The following FGD4 variants were observed in gnomAD, a reference collection of about 807,000 sequenced individuals.
FGD4 encodes the protein FYVE, RhoGEF and PH domain-containing protein 4.
A neutral mutation model predicts 102.0 loss-of-function variants in FGD4; 42 were observed. The ratio of observed to expected loss-of-function variants is 0.41; its 90% confidence interval spans 0.32 to 0.53. FGD4 has a LOEUF of 0.53. FGD4 is among the 20% of genes least tolerant of loss of function. The pLI is 0.21. For synonymous variants in FGD4, 380 were observed against 375.7 expected, an observed-to-expected ratio of 1.01 and a Z score of -0.13; for missense variants, 902 against 1,078.2, an observed-to-expected ratio of 0.84 and a Z score of 2.29.
intron 14 of FGD4, among the ~76,000 whole-genome samples, chr12:32,627,931 C>T (rs1950274132): frequency 6.6e-6 from 1 of 152,004 alleles, no homozygotes; most frequent in South Asian, 2.1e-4. Flanking sequence ...TGTATGGTAG[C>T]GGACATCTTG....
In FGD4 at chr12:32,564,291, T is replaced by C; in HGVS notation, c.319+2T>C. The C allele has an allele frequency of 6.5e-7, 1 of 1,535,648 alleles. No homozygotes were observed. The highest frequency in any genetic ancestry group is 8.7e-7 in the Non-Finnish European group (1 of 1,146,698). The stretch of plus-strand genomic sequence containing the variant: ...CAGCTGCAAGTCCAAAGCCACAAGG[T>C]ATGCTCACTGGGAGTTTGTGTTCGG... On this transcript the variant is annotated splice_donor_variant, in intron 2 of 16. Coordinates refer to ENST00000534526, the MANE Select transcript of FGD4 (RefSeq NM_001370298.3). LOFTEE classifies it high-confidence loss of function.
At chr12:32,532,200 A>G (rs1469058796) in intron 1 of FGD4, among the ~76,000 whole-genome samples, 1 of 152,224 alleles carries the variant, frequency 6.6e-6, no homozygotes, top group Non-Finnish European at 1.5e-5. Flanking sequence ...AATAAAATAG[A>G]ACAATTATAA....
At chr12:32,411,641 C>T (rs1185573342) in intron 1 of FGD4, among the ~76,000 whole-genome samples, 1 of 152,026 alleles carries the variant, frequency 6.6e-6, no homozygotes, top group Admixed American at 6.6e-5. Flanking sequence ...GGGGTCATTG[C>T]TTACCATTTC....
chr12:32,593,417 CT>C (rs1947639155), intron 4 of FGD4, among the ~76,000 whole-genome samples: 1 of 152,190 alleles, frequency 6.6e-6, no homozygotes, highest in Admixed American at 6.5e-5. Flanking sequence ...AGCAAACTTA[CT>C]TTTTGCTTAT....
intron 2 of FGD4, among the ~76,000 whole-genome samples, chr12:32,569,596 C>G (rs953974818): frequency 6.6e-6 from 1 of 152,156 alleles, no homozygotes; most frequent in Admixed American, 6.5e-5. Flanking sequence ...TCTGCCCTCC[C>G]TTTGACTTCC....
chr12:32,409,875 C>T (rs376271640), intron 1 of FGD4, among the ~76,000 whole-genome samples: 1 of 152,158 alleles, frequency 6.6e-6, no homozygotes, highest in African/African-American at 2.4e-5. Context: ...ATATATTTGG[C>T]ATCATTTGGT....
chr12:32,541,810 T>C (rs1942857499), intron 1 of FGD4, among the ~76,000 whole-genome samples: 1 of 152,222 alleles, frequency 6.6e-6, no homozygotes, highest in African/African-American at 2.4e-5. Context: ...TTTTGATCTA[T>C]ATCTATGCCT....
At chr12:32,526,088 C>G (rs1941155595) in intron 1 of FGD4, among the ~76,000 whole-genome samples, 4 of 152,254 alleles carry the variant, frequency 2.6e-5, no homozygotes, top group Admixed American at 2.6e-4. Context: ...GGCAGCTCCA[C>G]CTGCAGCCCC....
intron 8 of FGD4, among the ~76,000 whole-genome samples, chr12:32,609,853 G>T (rs1043602012): frequency 4.6e-5 from 7 of 152,136 alleles, no homozygotes; most frequent in African/African-American, 1.7e-4. Context: ...GAAGAAAATG[G>T]GACATGATTT....
chr12:32,513,988 T>C (rs970957416), intron 1 of FGD4, among the ~76,000 whole-genome samples: 5 of 152,150 alleles, frequency 3.3e-5, no homozygotes, highest in Non-Finnish European at 5.9e-5. Context: ...AAAAGTAAAG[T>C]GTAACAATAA....
chr12:32,540,225 C>A (rs1942694567), intron 1 of FGD4, among the ~76,000 whole-genome samples: 1 of 152,096 alleles, frequency 6.6e-6, no homozygotes, highest in Admixed American at 6.5e-5. Context: ...TCATAGACCT[C>A]TAAATGCAGT....
chr12:32,625,201 C>A (rs750612922), intron 13 of FGD4, 133 bp downstream of exon 13: 10 of 663,866 alleles, frequency 1.5e-5, no homozygotes, highest in Non-Finnish European at 2.4e-5. Flanking sequence ...GAATCTCATT[C>A]TTTCTTAGAT....
chr12:32,586,448 T>G (rs1207651066), intron 4 of FGD4, among the ~76,000 whole-genome samples: 1 of 152,248 alleles, frequency 6.6e-6, no homozygotes, highest in East Asian at 1.9e-4. Context: ...ATGGTCACTC[T>G]GTATCCTGTT....
chr12:32,529,283 C>T lies in FGD4; in HGVS notation c.167-34854C>T, dbSNP rs530407821. Among the ~76,000 whole-genome samples, 121 of 152,058 alleles carry T rather than the reference C, an allele frequency of 8.0e-4. 2 individuals are homozygous for T. The highest frequency in any genetic ancestry group is 2.6e-3 in the African/African-American group (109 of 41,500). ...GCGTGCACCACCACGCGCACCACCACGCCCAGTTAATTTTTGAATTTCTAG... is the reference window on the plus strand; with the variant it reads ...GCGTGCACCACCACGCGCACCACCATGCCCAGTTAATTTTTGAATTTCTAG... On this transcript the variant is annotated intron_variant, in intron 1 of 16. Transcript: ENST00000534526.
chr12:32,531,031 A>G (rs1941765305), intron 1 of FGD4, among the ~76,000 whole-genome samples: 1 of 136,688 alleles, frequency 7.3e-6, no homozygotes, highest in Non-Finnish European at 1.5e-5. Context: ...GGCTCACTGC[A>G]ACCTCTGCCT....
chr12:32,629,197 G>C (rs1461325452), intron 14 of FGD4, among the ~76,000 whole-genome samples: 2 of 152,120 alleles, frequency 1.3e-5, no homozygotes, highest in African/African-American at 4.8e-5. Context: ...CACCTTAAAG[G>C]GAATTGGTTC....
chr12:32,609,245 T>C (rs1948984908), intron 8 of FGD4, among the ~76,000 whole-genome samples: 1 of 152,126 alleles, frequency 6.6e-6, no homozygotes, highest in Non-Finnish European at 1.5e-5. Context: ...CACAGAAACT[T>C]CTCTTCTCCA....
At chr12:32,430,164 C>T (rs1052627159) in intron 1 of FGD4, among the ~76,000 whole-genome samples, 6 of 152,034 alleles carry the variant, frequency 3.9e-5, no homozygotes, top group Admixed American at 1.3e-4. Context: ...AAAAATTAGC[C>T]GGGTGTGGTA....
intron 1 of FGD4, among the ~76,000 whole-genome samples, chr12:32,523,996 A>G (rs1476473592): frequency 6.6e-6 from 1 of 151,762 alleles, no homozygotes. Context: ...GAAAATACAT[A>G]GTTCTTCCGG....
Sources: allele counts gnomAD v4.1 joint callset (sites outside exome capture counted in the v4.1 genomes callset), GRCh38; gene constraint gnomAD v4.1.1; transcripts MANE v1.5; gene names NCBI Gene and HGNC (gene_info 2026-07-23, HGNC 2026-07-21).